The following ART3 variants were observed in gnomAD, a reference collection of about 807,000 sequenced individuals.
The protein encoded by ART3 is ADP-ribosyltransferase 3 (inactive).
Under a neutral mutation model 48.5 loss-of-function variants are expected in ART3, and 49 were observed. The ratio of observed to expected loss-of-function variants is 1.01; its 90% confidence interval spans 0.80 to 1.28. ART3 has a LOEUF of 1.28. Among genes scored for constraint, ART3 ranks in the 50% most tolerant of loss-of-function variants. The pLI, the probability that ART3 is intolerant of heterozygous loss-of-function variation, is 0.00. For missense variants in ART3, 438 were observed against 454.3 expected (o/e 0.96, Z 0.33); for synonymous variants, 145 against 157.2 (o/e 0.92, Z 0.58).
At chr4:76,106,582 C>G (rs143764197) in intron 10 of ART3, among the ~76,000 whole-genome samples, 29 of 152,244 alleles carry the variant, frequency 1.9e-4, no homozygotes, top group Non-Finnish European at 3.7e-4. Flanking sequence ...TGTTCCCATA[C>G]ATCATTCTGC....
chr4:76,025,404 A>G (rs72865949), intron 1 of ART3, among the ~76,000 whole-genome samples: 5,476 of 152,298 alleles, frequency 0.036, 330 homozygotes, highest in African/African-American at 0.12. Context: ...ATAGAAGACA[A>G]TGTAAAAAGG....
intron 3 of ART3, among the ~76,000 whole-genome samples, chr4:76,089,466 CT>C (rs1724344821): frequency 6.6e-6 from 1 of 152,144 alleles, no homozygotes. Flanking sequence ...CATCTTCCCC[CT>C]CTCCCTCTTC....
intron 3 of ART3, among the ~76,000 whole-genome samples, chr4:76,097,214 T>A (rs1262108302): frequency 2.6e-5 from 4 of 152,128 alleles, no homozygotes; most frequent in African/African-American, 7.2e-5. Flanking sequence ...GCAATTTTTT[T>A]AAATAATTGA....
At chr4:76,048,495 C>T (rs4532263) in intron 1 of ART3, among the ~76,000 whole-genome samples, 89,106 of 150,902 alleles carry the variant, frequency 0.59, 27,390 homozygotes, top group East Asian at 0.94. Context: ...CAAAACCACC[C>T]GTGGTTTTGG....
intron 1 of ART3, chr4:76,034,984 C>G: frequency 6.7e-7 from 1 of 1,500,226 alleles, no homozygotes; most frequent in South Asian, 1.1e-5. Flanking sequence ...ACATTATTTT[C>G]TTTTTCAAAA....
intron 1 of ART3, among the ~76,000 whole-genome samples, chr4:76,015,727 C>CA (rs1488442390): frequency 6.6e-5 from 10 of 152,178 alleles, no homozygotes; most frequent in Admixed American, 6.5e-4. Flanking sequence ...CAACCTGGCT[C>CA]AAACAATCCT....
chr4:76,097,674 T>C lies in ART3; in HGVS notation c.812T>C (p.Leu271Pro). 6.2e-7 allele frequency: 1 copy of C among 1,608,270 alleles called. No homozygotes were observed. The change falls in exon 4 of 12, where the codon CTA becomes CCA. Residue 271 changes from leucine (L) to proline (P), a missense_variant and splice_region_variant. This residue lies in a region of ART3 where 227 missense variants were observed against 229.6 expected (regional missense o/e 0.99). Transcript: ENST00000355810. ...AAAACCGAAAACTGTATTGAGAACC[T>C]AGGTAAGATAGCTTTAAAGTCTTAT... ...GLKTENCIEN[L>P]EYFQPIYVYN...
intron 8 of ART3, among the ~76,000 whole-genome samples, chr4:76,101,849 C>G (rs1440590889): frequency 6.6e-6 from 1 of 152,152 alleles, no homozygotes; most frequent in African/African-American, 2.4e-5. Flanking sequence ...TTTTGGAGAG[C>G]AATTTAGTAG....
intron 1 of ART3, among the ~76,000 whole-genome samples, chr4:76,017,306 G>A (rs1732355978): frequency 6.6e-6 from 1 of 151,770 alleles, no homozygotes; most frequent in African/African-American, 2.4e-5. Context: ...CCTACCAGCA[G>A]TGGGTCCTTC....
At chr4:76,016,379 G>A (rs1252427033) in intron 1 of ART3, among the ~76,000 whole-genome samples, 3 of 152,192 alleles carry the variant, frequency 2.0e-5, no homozygotes, top group East Asian at 3.8e-4. Flanking sequence ...TGGATTACCA[G>A]GCCGACTCTT....
intron 11 of ART3, among the ~76,000 whole-genome samples, chr4:76,108,189 A>G (rs1287946637): frequency 6.6e-6 from 1 of 152,102 alleles, no homozygotes; most frequent in Non-Finnish European, 1.5e-5. Flanking sequence ...TCCATAGATG[A>G]GATGCATTTG....
chr4:76,061,136 G>C (rs1456256100), intron 1 of ART3, among the ~76,000 whole-genome samples: 1 of 152,154 alleles, frequency 6.6e-6, no homozygotes, highest in Non-Finnish European at 1.5e-5. Context: ...GACTATCTCA[G>C]ATCTTTCTCT....
chr4:76,092,047 T>C (rs1168626097), intron 3 of ART3, among the ~76,000 whole-genome samples: 1 of 152,184 alleles, frequency 6.6e-6, no homozygotes, highest in Non-Finnish European at 1.5e-5. Flanking sequence ...CAAAACCAGG[T>C]AGTGTTCATT....
chr4:76,042,667 T>C (rs531166466), intron 1 of ART3, among the ~76,000 whole-genome samples: 1 of 151,860 alleles, frequency 6.6e-6, no homozygotes, highest in Non-Finnish European at 1.5e-5. Context: ...GTTCGGAGTT[T>C]GTTCCTTCTG....
chr4:76,074,999 T>C (rs1361769045), intron 1 of ART3, among the ~76,000 whole-genome samples, 180 bp downstream of exon 1: 3 of 152,200 alleles, frequency 2.0e-5, no homozygotes, highest in Non-Finnish European at 4.4e-5. Context: ...ATTTTAGTAT[T>C]TTTAGTAAAA....
Position 76,112,457 on chromosome 4 carries a change from C to G in ART3, c.1108C>G (p.Gln370Glu), listed in dbSNP as rs200046682. The G allele has an allele frequency of 1.9e-5, 30 of 1,614,156 alleles. No homozygotes were observed. The African/African-American group carries it at 3.6e-4, about 19-fold the overall frequency. Residue 370 changes from glutamine (Q) to glutamate (E), a missense_variant, in exon 12 of 12, where the codon CAG becomes GAG. Around this residue, in one of 3 missense-constraint regions of ART3, gnomAD observed 227 missense variants for 229.6 expected, o/e 0.99. Coordinates refer to ENST00000355810, the MANE Select transcript of ART3 (RefSeq NM_001130016.3). ...ATCCTCGGGCAAACTGCTGCTTCCA[C>G]AGTTTGGGATGGTCATCATTTTAAT... Reference protein sequence around the residue: ...SASSGKLLLPQFGMVIILISV... With the variant: ...SASSGKLLLPEFGMVIILISV...
intron 1 of ART3, among the ~76,000 whole-genome samples, chr4:76,030,512 C>T (rs1270296452): frequency 6.6e-6 from 1 of 152,156 alleles, no homozygotes; most frequent in Non-Finnish European, 1.5e-5. Flanking sequence ...ACCATTTTAA[C>T]CATTTAAAAG....
At chr4:76,103,829 C>CA in intron 8 of ART3, 108 bp from the exon 9 acceptor site, 1 of 775,758 alleles carries the variant, frequency 1.3e-6, no homozygotes, top group Non-Finnish European at 1.9e-6. Flanking sequence ...TTCCCCCTGC[C>CA]TTTTTTTTTT....
At chr4:76,058,258 A>T (rs1375765101) in intron 1 of ART3, among the ~76,000 whole-genome samples, 1 of 152,216 alleles carries the variant, frequency 6.6e-6, no homozygotes, top group Non-Finnish European at 1.5e-5. Context: ...ACTGTCAGCT[A>T]TTGTAACAAT....
Sources: allele counts gnomAD v4.1 joint callset (sites outside exome capture counted in the v4.1 genomes callset), GRCh38; gene constraint gnomAD v4.1.1; regional missense constraint gnomAD v4.1.1; transcripts MANE v1.5; gene names NCBI Gene and HGNC (gene_info 2026-07-23, HGNC 2026-07-21).